PPP1R3B: variants seen among roughly 807,000 people sequenced by gnomAD.
PPP1R3B encodes the protein protein phosphatase 1 regulatory subunit 3B.
Under a neutral mutation model 14.6 loss-of-function variants are expected in PPP1R3B, and 8 were observed. The ratio of observed to expected loss-of-function variants is 0.55; its 90% CI spans 0.32 to 0.99. PPP1R3B has a LOEUF of 0.99. Among genes scored for constraint, PPP1R3B ranks in the 50% least tolerant of loss-of-function variants. PPP1R3B has a pLI of 0.04. For synonymous variants in PPP1R3B, 169 were observed against 142.0 expected (o/e 1.19, Z -1.35); for missense variants, 452 against 360.1 (o/e 1.26, Z -2.07).
Position 9,137,926 on chromosome 8 carries a change from T to C in PPP1R3B, c.*2868A>G, listed in dbSNP as rs908192154. 1 of 152,120 alleles carries C rather than the reference T, an allele frequency of 6.6e-6. No individual in the cohort carries two copies. Among genetic ancestry groups the C allele is most frequent in the Non-Finnish European group, 1.5e-5 (1 of 68,022 alleles). The allele number at this position is 152,120 out of a possible 1,614,324, so 9.4% of individuals were successfully genotyped here. A position where few individuals can be genotyped will look rare whatever the true frequency, so the allele number is the denominator to read the frequency against. ...TAGTGGGGAGGGTTTACGGCTGCTT[T>C]AGAAGAGATAGTTATCACTGAATTA... On this transcript the variant is annotated 3_prime_UTR_variant, in exon 2 of 2. Coordinates refer to ENST00000310455, the MANE Select transcript of PPP1R3B (RefSeq NM_024607.4).
chr8:9,149,867 G>A (rs1427805187), intron 1 of PPP1R3B, among the ~76,000 whole-genome samples: 1 of 152,220 alleles, frequency 6.6e-6, no homozygotes, highest in Non-Finnish European at 1.5e-5. Flanking sequence ...AAATGACACA[G>A]CCCCTGCCGT....
Position 9,139,143 on chromosome 8 carries a change from C to G in PPP1R3B, c.*1651G>C, listed in dbSNP as rs1800985874. On this transcript the variant is annotated 3_prime_UTR_variant, in exon 2 of 2. Coordinates refer to ENST00000310455, the MANE Select transcript of PPP1R3B (RefSeq NM_024607.4). Reference sequence around the variant, plus strand: ...ATGTTGGCCAGGCTGGTCTTGAACGCCTGACCTCAGGTGAGCTGCCCGCCT... The same window carrying G: ...ATGTTGGCCAGGCTGGTCTTGAACGGCTGACCTCAGGTGAGCTGCCCGCCT... 1 of 152,220 alleles carries G rather than the reference C, an allele frequency of 6.6e-6. No homozygotes were observed. The highest frequency in any genetic ancestry group is 2.4e-5 in the African/African-American group (1 of 41,418). The allele number at this position is 152,220 out of a possible 1,614,324, so 9.4% of individuals were successfully genotyped here. A position where few individuals can be genotyped will look rare whatever the true frequency, so the allele number is the denominator to read the frequency against.
At position 9,137,169 on chromosome 8, in the gene PPP1R3B, T is replaced by A. The variant is rs151012124; in HGVS notation, c.*3625A>T. The A allele has an allele frequency of 6.6e-6, 1 of 152,238 alleles. No individual in the cohort carries two copies. The highest frequency in any genetic ancestry group is 2.1e-4 in the South Asian group (1 of 4,834). The allele number at this position is 152,238 out of a possible 1,614,324, so 9.4% of individuals were successfully genotyped here. A position where few individuals can be genotyped will look rare whatever the true frequency, so the allele number is the denominator to read the frequency against. ...TTATTTCTCACCAGCTCCAGTAGAA[T>A]AATTTTTTAAATAAAGAAACCCACT... On this transcript the variant is annotated 3_prime_UTR_variant, in exon 2 of 2. Coordinates refer to ENST00000310455, the MANE Select transcript of PPP1R3B (RefSeq NM_024607.4).
rs963963489 is a variant in PPP1R3B, at chr8:9,141,303, G to A, written c.349C>T (p.Pro117Ser). 6.2e-7 allele frequency: 1 copy of A among 1,614,026 alleles called. No individual in the cohort carries two copies. Among genetic ancestry groups the A allele is most frequent in the Non-Finnish European group, 8.5e-7 (1 of 1,180,038 alleles). Residue 117 changes from proline to serine, a missense_variant, in exon 2 of 2, where the codon CCC becomes TCC. Physicochemically the swap from Pro to Ser is moderately conservative, Grantham distance 74 (BLOSUM62 -1). Transcript: ENST00000310455. ...CTAAAGTCTAAGTAATCTGCAGAGG[G>A]CTGGGAAAAATCCAGAACAAAGCTC... Reference protein sequence around the residue: ...SESFVLDFSQPSADYLDFRNR... With the variant: ...SESFVLDFSQSSADYLDFRNR...
chr8:9,150,803 C>T (rs1801403484), upstream of PPP1R3B: 1 of 152,392 alleles, frequency 6.6e-6, no homozygotes, highest in African/African-American at 2.4e-5. Flanking sequence ...CCAGCACCCC[C>T]GCGCGGCCGC....
intron 1 of PPP1R3B, among the ~76,000 whole-genome samples, chr8:9,147,395 T>C (rs1801274863): frequency 6.6e-6 from 1 of 152,138 alleles, no homozygotes; most frequent in African/African-American, 2.4e-5. Flanking sequence ...GGGTGTGAAC[T>C]GAGGGAGGAA....
Position 9,136,262 on chromosome 8 carries a change from T to C in PPP1R3B, c.*4532A>G, listed in dbSNP as rs995861520. ...ATAGAAGGACACTTTCAGTTTTGTT[T>C]TGTCTTCCTTTATTACATTTTTGCT... On this transcript the variant is annotated 3_prime_UTR_variant, in exon 2 of 2. Transcript: ENST00000310455. 4 of 152,256 alleles carry C rather than the reference T, an allele frequency of 2.6e-5. No homozygotes were observed. Among genetic ancestry groups the C allele is most frequent in the African/African-American group, 7.2e-5 (3 of 41,470 alleles). 9.4% of individuals were successfully genotyped at this position (152,256 alleles called of 1,614,324 possible).
chr8:9,142,644 C>A (rs1459429949), intron 1 of PPP1R3B, among the ~76,000 whole-genome samples: 1 of 152,080 alleles, frequency 6.6e-6, no homozygotes, highest in East Asian at 1.9e-4. Context: ...AATTTTGTAT[C>A]CTTTGGCCAA....
chr8:9,142,023 A>G (rs1033597758), intron 1 of PPP1R3B, among the ~76,000 whole-genome samples: 7 of 152,346 alleles, frequency 4.6e-5, no homozygotes, highest in East Asian at 1.9e-4. Context: ...AAGGGCATAT[A>G]TACTGTTTTA....
chr8:9,146,825 G>A (rs1801253769), intron 1 of PPP1R3B, among the ~76,000 whole-genome samples: 1 of 152,016 alleles, frequency 6.6e-6, no homozygotes, highest in African/African-American at 2.4e-5. Context: ...TAGGTTTGCA[G>A]AGGTTCCACG....
At chr8:9,148,988 C>T (rs1216012158) in intron 1 of PPP1R3B, among the ~76,000 whole-genome samples, 2 of 149,594 alleles carry the variant, frequency 1.3e-5, no homozygotes, top group African/African-American at 2.5e-5. Context: ...GAGATCGAGA[C>T]CATCCTGGCG....
Position 9,137,524 on chromosome 8 carries a change from T to C in PPP1R3B, c.*3270A>G, listed in dbSNP as rs1424414372. ...TCACCCTCTGAAGTGTGTAGGCTTA[T>C]CTACTGATGATGAGCTATCAAACAA... On this transcript the variant is annotated 3_prime_UTR_variant, in exon 2 of 2. Transcript: ENST00000310455. 2 of 152,250 alleles carry C rather than the reference T, an allele frequency of 1.3e-5. No individual in the cohort carries two copies. The highest frequency in any genetic ancestry group is 1.9e-4 in the East Asian group (1 of 5,198). 9.4% of individuals were successfully genotyped at this position (152,250 alleles called of 1,614,324 possible). A position where few individuals can be genotyped will look rare whatever the true frequency, so the allele number is the denominator to read the frequency against.
rs534914839 is a variant in PPP1R3B at position 9,140,205 on chromosome 8, A to C, written c.*589T>G. ...TGAACATCAGATCAATTGTGGAAGA[A>C]CATAAAATGCAAAACATGAACTTGC... is the stretch of plus-strand genomic sequence containing the variant. On this transcript the variant is annotated 3_prime_UTR_variant, in exon 2 of 2. Transcript: ENST00000310455. 1 of 157,738 alleles carries C rather than the reference A, an allele frequency of 6.3e-6. No homozygotes were observed. The highest frequency in any genetic ancestry group is 1.9e-4 in the South Asian group (1 of 5,378). 9.8% of individuals were successfully genotyped at this position (157,738 alleles called of 1,614,324 possible).
chr8:9,141,174 C>T lies in PPP1R3B; in HGVS notation c.478G>A (p.Val160Met), dbSNP rs1368674667. ...KVQNLAFEKT[V>M]KIRMTFDTWK... ...GTGTCGAACGTCATCCTTATTTTCA[C>T]GGTCTTCTCAAATGCGAGGTTCTGA... The change falls in exon 2 of 2, where the codon GTG becomes ATG. Residue 160 changes from valine to methionine, a missense_variant. Transcript: ENST00000310455. 6.2e-6 allele frequency: 10 copies of T among 1,614,212 alleles called. No individual in the cohort carries two copies. Among genetic ancestry groups the T allele is most frequent in the Middle Eastern group, 1.6e-4 (1 of 6,062 alleles).
At chr8:9,147,883 C>T (rs1297748659) in intron 1 of PPP1R3B, among the ~76,000 whole-genome samples, 2 of 152,124 alleles carry the variant, frequency 1.3e-5, no homozygotes, top group Non-Finnish European at 2.9e-5. Flanking sequence ...AAGAGTTACC[C>T]GCAGGACTAC....
At chr8:9,147,030 T>G (rs1369322586) in intron 1 of PPP1R3B, among the ~76,000 whole-genome samples, 2 of 152,028 alleles carry the variant, frequency 1.3e-5, no homozygotes, top group Non-Finnish European at 2.9e-5. Flanking sequence ...TTGCCCAGGC[T>G]GGAGTGCCGT....
rs1801050800 is a variant in PPP1R3B at position 9,140,834 on chromosome 8, G to C, written c.818C>G (p.Pro273Arg). 6.2e-7 allele frequency: 1 copy of C among 1,614,066 alleles called. No individual in the cohort carries two copies. The highest frequency in any genetic ancestry group is 2.2e-5 in the East Asian group (1 of 44,864). The change falls in exon 2 of 2, where the codon CCA becomes CGA. Residue 273 changes from proline (P) to arginine (R), a missense_variant. By Grantham distance (103) the Pro-to-Arg change is moderately radical. Transcript: ENST00000310455. ...TAGCTTTTCATATCCTAAGTAACTT[G>C]GCCACTCTGGAAACAGACCATAGGA... is the stretch of plus-strand genomic sequence containing the variant. Reference protein sequence around the residue: ...RCSYGLFPEWPSYLGYEKLGP... With the variant: ...RCSYGLFPEWRSYLGYEKLGP...
intron 1 of PPP1R3B, among the ~76,000 whole-genome samples, chr8:9,147,336 C>T (rs939707221): frequency 1.3e-5 from 2 of 152,186 alleles, no homozygotes; most frequent in African/African-American, 4.8e-5. Flanking sequence ...AAACAAGAGG[C>T]TATATCTGGC....
At chr8:9,143,076 G>A (rs939745604) in intron 1 of PPP1R3B, among the ~76,000 whole-genome samples, 1 of 152,144 alleles carries the variant, frequency 6.6e-6, no homozygotes, top group Non-Finnish European at 1.5e-5. Context: ...TTTTTGAGGA[G>A]CCTCCCTACT....
Sources: gnomAD v4.1 joint callset for allele counts (sites outside exome capture counted in the v4.1 genomes callset) on GRCh38, gnomAD v4.1.1 for gene constraint, MANE v1.5 for transcripts, NCBI Gene and HGNC (gene_info 2026-07-23, HGNC 2026-07-21) for gene names.